Variants in KATNIP observed in about 807,000 individuals in gnomAD.
The protein encoded by KATNIP is katanin-interacting protein.
In KATNIP, 126 loss-of-function variants were observed where a neutral mutation model predicts 174.0. The observed-to-expected ratio is 0.72, with a 90% CI of 0.63 to 0.84. The LOEUF is 0.84. Ranked by LOEUF, KATNIP falls within the 40% of genes least tolerant of loss-of-function variation. The probability of loss-of-function intolerance (pLI) is 0.00; values close to 1 mark genes in which losing one functional copy is unlikely to be tolerated. For synonymous variants in KATNIP, 810 were observed against 835.7 expected (o/e 0.97, Z 0.53); for missense variants, 1,958 against 2,109.7 (o/e 0.93, Z 1.41).
chr16:27,596,482 C>G (rs1447876996), intron 2 of KATNIP, among the ~76,000 whole-genome samples: 1 of 152,140 alleles, frequency 6.6e-6, no homozygotes, highest in Non-Finnish European at 1.5e-5. Context: ...GAATCCAGGG[C>G]TCAGGGAGAA....
At chr16:27,713,854 A>ATATC (rs68041437) in intron 13 of KATNIP, among the ~76,000 whole-genome samples, 68 of 69,330 alleles carry the variant, frequency 9.8e-4, no homozygotes, top group South Asian at 1.4e-3. Flanking sequence ...ATATATATAT[A>ATATC]TATCTATCTC....
chr16:27,669,899 G>C (rs2077832005), intron 6 of KATNIP, among the ~76,000 whole-genome samples: 2 of 151,938 alleles, frequency 1.3e-5, no homozygotes. Context: ...TGTTGCCCAG[G>C]CTGGTCTCGA....
intron 2 of KATNIP, among the ~76,000 whole-genome samples, chr16:27,581,471 GGTGCCCACAATGGACCCATTCA>G (rs961583952): frequency 3.3e-5 from 5 of 152,202 alleles, no homozygotes; most frequent in African/African-American, 1.2e-4. Flanking sequence ...CCTTGACCGA[GGTGCCCACAATGGACCCATTCA>G]GTGACCACTC....
chr16:27,724,967 A>T (rs983575939), intron 14 of KATNIP, among the ~76,000 whole-genome samples: 1 of 152,128 alleles, frequency 6.6e-6, no homozygotes, highest in Non-Finnish European at 1.5e-5. Context: ...TGAAATCCTC[A>T]TGCTAGCATT....
Position 27,740,724 on chromosome 16 carries a change from G to A in KATNIP, c.2427G>A (p.Arg809=). ...GETEARDKGL[R]HEPGWGTSRS... is the part of the protein sequence containing the mutation. Reference sequence around the variant, plus strand: ...CCGAGGCCAGGGATAAAGGCCTACGGCATGAGCCAGGGTGGGGGACCAGCC... The same window carrying A: ...CCGAGGCCAGGGATAAAGGCCTACGACATGAGCCAGGGTGGGGGACCAGCC... Residue 809 remains arginine, a synonymous_variant, in exon 15 of 28, where the codon CGG becomes CGA. Transcript: ENST00000261588. 6.2e-7 allele frequency: 1 copy of A among 1,614,212 alleles called. No individual in the cohort carries two copies. The highest frequency in any genetic ancestry group is 1.7e-5 in the Admixed American group (1 of 60,032).
intron 14 of KATNIP, among the ~76,000 whole-genome samples, chr16:27,734,574 G>A (rs1201137327): frequency 1.3e-5 from 2 of 152,078 alleles, no homozygotes; most frequent in Admixed American, 6.5e-5. Context: ...TGGCGTGCCT[G>A]TAATCCCAGC....
chr16:27,704,124 C>CT, intron 12 of KATNIP, 126 bp downstream of exon 12: 1 of 695,808 alleles, frequency 1.4e-6, no homozygotes, highest in East Asian at 2.7e-5. Flanking sequence ...TTTCCACCGC[C>CT]CCCCCCCTCC....
intron 2 of KATNIP, among the ~76,000 whole-genome samples, chr16:27,600,480 C>G (rs1349414146): frequency 6.6e-6 from 1 of 152,124 alleles, no homozygotes. Flanking sequence ...ACTCTCTAGC[C>G]GTCCCCTGGG....
rs751138162 is a variant in KATNIP at position 27,777,866 on chromosome 16, C to T, written c.4713-15C>T. On this transcript the variant is annotated splice_polypyrimidine_tract_variant and intron_variant, in intron 26 of 27. Coordinates refer to ENST00000261588, the MANE Select transcript of KATNIP (RefSeq NM_015202.5). This position sits in a 1 kb window ranked among gnomAD's most constrained non-coding sequence, Gnocchi z 4.4. ...AGGAGCCTGATCGAATCTTGTGTTTCCTTCCTACCCTCAGTAATCAGGCCG... is the reference window on the plus strand; with the variant it reads ...AGGAGCCTGATCGAATCTTGTGTTTTCTTCCTACCCTCAGTAATCAGGCCG... The T allele has an allele frequency of 7.4e-5, 119 of 1,613,666 alleles. 1 individual carries two copies. In the South Asian group the frequency reaches 1.0e-3, roughly 14 times the overall value.
At chr16:27,551,801 C>G (rs372240882) in intron 1 of KATNIP, among the ~76,000 whole-genome samples, 3 of 152,012 alleles carry the variant, frequency 2.0e-5, no homozygotes, top group African/African-American at 7.2e-5. Context: ...CATTTGAAGC[C>G]GAGATCTTGC....
chr16:27,668,722 G>A (rs914725859), intron 6 of KATNIP, among the ~76,000 whole-genome samples: 1 of 152,188 alleles, frequency 6.6e-6, no homozygotes, highest in Non-Finnish European at 1.5e-5. Flanking sequence ...ATGAAATGAG[G>A]TGGCTGGGTG....
intron 6 of KATNIP, among the ~76,000 whole-genome samples, chr16:27,675,418 A>G (rs2078078638): frequency 6.6e-6 from 1 of 152,234 alleles, no homozygotes; most frequent in Admixed American, 6.5e-5. Flanking sequence ...GACACAGTCA[A>G]ATCATATCAA....
At chr16:27,698,267 G>A in intron 8 of KATNIP, 61 bp from the exon 9 acceptor site, 4 of 1,516,050 alleles carry the variant, frequency 2.6e-6, no homozygotes, top group Non-Finnish European at 2.7e-6. Context: ...GGTCTAATGG[G>A]TTGTGAGCTG....
At chr16:27,773,468 C>G (rs1157081613) in intron 23 of KATNIP, among the ~76,000 whole-genome samples, 1 of 152,172 alleles carries the variant, frequency 6.6e-6, no homozygotes, top group Non-Finnish European at 1.5e-5. Flanking sequence ...AGGCTGCCAA[C>G]TATAGCGCCC....
intron 1 of KATNIP, among the ~76,000 whole-genome samples, chr16:27,565,630 A>G (rs2090056299): frequency 6.6e-6 from 1 of 152,026 alleles, no homozygotes. Context: ...CTACAAAAGT[A>G]AGTTTTAGCC....
At chr16:27,758,137 G>A (rs527757760) in intron 18 of KATNIP, among the ~76,000 whole-genome samples, 1 of 152,318 alleles carries the variant, frequency 6.6e-6, no homozygotes, top group South Asian at 2.1e-4. Flanking sequence ...CAAACAAAGA[G>A]ATTGTAGGCT....
chr16:27,594,249 G>A (rs1359661111), intron 2 of KATNIP, among the ~76,000 whole-genome samples: 1 of 151,954 alleles, frequency 6.6e-6, no homozygotes, highest in Non-Finnish European at 1.5e-5. Context: ...GACAGAGTGA[G>A]GCCCTATCTC....
chr16:27,665,614 T>A (rs2077653843), intron 6 of KATNIP, among the ~76,000 whole-genome samples: 1 of 151,594 alleles, frequency 6.6e-6, no homozygotes. Context: ...TTATTTTTTT[T>A]TTTTTTTGAG....
At chr16:27,663,570 C>T (rs1005297796) in intron 6 of KATNIP, among the ~76,000 whole-genome samples, 53 of 151,816 alleles carry the variant, frequency 3.5e-4, no homozygotes, top group African/African-American at 1.1e-3. Flanking sequence ...TGTCTCACCC[C>T]GCCAAGTAGC....
Sources: gnomAD v4.1 joint callset for allele counts (sites outside exome capture counted in the v4.1 genomes callset) on GRCh38, gnomAD v4.1.1 for gene constraint, Gnocchi (gnomAD v3.1) non-coding constraint, MANE v1.5 for transcripts, NCBI Gene and HGNC (gene_info 2026-07-23, HGNC 2026-07-21) for gene names.